The following L2HGDH variants were observed in gnomAD, a reference collection of about 807,000 sequenced individuals.
L2HGDH encodes the protein L-2-hydroxyglutarate dehydrogenase.
A neutral mutation model predicts 51.5 loss-of-function variants in L2HGDH; 34 were observed. That is an observed-to-expected ratio of 0.66 (90% CI 0.50 to 0.88). The LOEUF (loss-of-function observed/expected upper bound fraction) is 0.88, where lower values mean the gene tolerates loss of function less well. Ranked by LOEUF, L2HGDH falls within the 40% of genes least tolerant of loss-of-function variation. The pLI is 0.00. For synonymous variants in L2HGDH, 198 were observed against 197.9 expected (o/e 1.00, Z -0.01); for missense variants, 558 against 571.9 (o/e 0.98, Z 0.25).
intron 9 of L2HGDH, among the ~76,000 whole-genome samples, chr14:50,257,881 C>T (rs1888767285): frequency 6.6e-6 from 1 of 150,696 alleles, no homozygotes; most frequent in Non-Finnish European, 1.5e-5. Flanking sequence ...CTTATTTTAT[C>T]TGCTGACTCT....
rs1426651193 is a variant in L2HGDH at position 50,265,367 on chromosome 14, T to C, written c.1187A>G (p.Asp396Gly). ...QKFIPEITIS[D>G]ILRGPAGVRA... ...TATCCCTTTTCCTTACCTAAGTATA[T>C]CACTGATAGTAATTTCAGGGATGAA... Residue 396 changes from aspartate to glycine, a missense_variant, in exon 9 of 10, where the codon GAT becomes GGT. Asp to Gly is a moderately conservative substitution (Grantham distance 94). This residue lies in a region of L2HGDH where 321 missense variants were observed against 311.8 expected (regional missense o/e 1.03). Transcript: ENST00000267436. 6.2e-7 allele frequency: 1 copy of C among 1,611,064 alleles called. No homozygotes were observed. Among genetic ancestry groups the C allele is most frequent in the African/African-American group, 1.3e-5 (1 of 75,028 alleles).
chr14:50,275,583 C>G (rs1034813449), intron 6 of L2HGDH, among the ~76,000 whole-genome samples: 8 of 152,178 alleles, frequency 5.3e-5, no homozygotes, highest in Non-Finnish European at 1.2e-4. Context: ...GGCTCAGGCT[C>G]ATGGAATTCA....
At position 50,279,873 on chromosome 14, in the gene L2HGDH, C is replaced by A. The variant is rs556983591; in HGVS notation, c.704-1319G>T. Reference sequence around the variant, plus strand: ...GTCAGGAGTTTGAGACCAGCCTGACCAACATGATGAAATCCCATCTCTACC... The same window carrying A: ...GTCAGGAGTTTGAGACCAGCCTGACAAACATGATGAAATCCCATCTCTACC... On this transcript the variant is annotated intron_variant, in intron 5 of 9. Transcript: ENST00000267436. Among the ~76,000 whole-genome samples the A allele has an allele frequency of 5.9e-5, 9 of 151,860 alleles. No homozygotes were observed. In the South Asian group the frequency reaches 1.9e-3, roughly 32 times the overall value.
At chr14:50,262,583 T>C (rs977897088) in intron 9 of L2HGDH, among the ~76,000 whole-genome samples, 1 of 152,040 alleles carries the variant, frequency 6.6e-6, no homozygotes, top group Admixed American at 6.6e-5. Context: ...TCTGTAGAAC[T>C]CTCAAGATCC....
intron 6 of L2HGDH, among the ~76,000 whole-genome samples, chr14:50,272,803 C>G (rs1889771676): frequency 6.6e-6 from 1 of 152,166 alleles, no homozygotes. Context: ...GGCCCCTACT[C>G]CTGCTAAATT....
chr14:50,297,437 A>C (rs1418413209), intron 3 of L2HGDH, among the ~76,000 whole-genome samples: 1 of 152,200 alleles, frequency 6.6e-6, no homozygotes, highest in Non-Finnish European at 1.5e-5. Flanking sequence ...TGGATTAAAA[A>C]AAATCAACAT....
chr14:50,268,679 T>C (rs1304934914), intron 7 of L2HGDH, among the ~76,000 whole-genome samples: 1 of 152,182 alleles, frequency 6.6e-6, no homozygotes, highest in African/African-American at 2.4e-5. Flanking sequence ...TTCATCTGGT[T>C]CGACCTAATA....
In L2HGDH at chr14:50,301,981, T is replaced by C. The variant is rs41299197; in HGVS notation, c.408+36A>G. The C allele has an allele frequency of 0.054, 86,945 of 1,607,618 alleles. 2,713 individuals are homozygous for C. Among genetic ancestry groups the C allele is most frequent in the Non-Finnish European group, 0.062 (72,921 of 1,174,134 alleles). On this transcript the variant is annotated intron_variant, in intron 3 of 9. Transcript: ENST00000267436. ...TTAAACATCACTAAGCAAATGCTAGTTGGAAATTAGTCAAGGCTCTAATAA... is the reference window on the plus strand; with the variant it reads ...TTAAACATCACTAAGCAAATGCTAGCTGGAAATTAGTCAAGGCTCTAATAA...
At chr14:50,308,115 G>T (rs1392373553) in intron 1 of L2HGDH, among the ~76,000 whole-genome samples, 5 of 152,242 alleles carry the variant, frequency 3.3e-5, no homozygotes, top group African/African-American at 1.2e-4. Flanking sequence ...GGCAGGCCGG[G>T]TGCGATGGCT....
chr14:50,306,281 C>G (rs1217132150), intron 1 of L2HGDH, among the ~76,000 whole-genome samples: 2 of 151,974 alleles, frequency 1.3e-5, no homozygotes, highest in East Asian at 3.8e-4. Flanking sequence ...AATCTCTTGA[C>G]CTCGTGATCC....
At chr14:50,301,427 T>C (rs2030399985) in intron 3 of L2HGDH, among the ~76,000 whole-genome samples, 2 of 152,190 alleles carry the variant, frequency 1.3e-5, no homozygotes, top group African/African-American at 4.8e-5. Context: ...AATCCATATG[T>C]CTATCAACTG....
At position 50,283,952 on chromosome 14, in the gene L2HGDH, C is replaced by T. The variant is rs1332579024; in HGVS notation, c.622G>A (p.Glu208Lys). The T allele has an allele frequency of 1.2e-6, 2 of 1,613,978 alleles. No individual in the cohort carries two copies. The highest frequency in any genetic ancestry group is 2.7e-5 in the African/African-American group (2 of 74,910). The change falls in exon 5 of 10, where the codon GAA (glutamate) becomes AAA (lysine). Residue 208 changes from glutamate (E) to lysine (K), a missense_variant. By Grantham distance (56) the Glu-to-Lys change is moderately conservative. This residue lies in a region of L2HGDH where 321 missense variants were observed against 311.8 expected (regional missense o/e 1.03). Transcript: ENST00000267436. ...VALSFAQDFQ[E>K]AGGSVLTNFE... ...TTGGTCAAGACAGAGCCACCTGCTT[C>T]TTGGAAATCCTGGGCAAATGACAAA...
Position 50,302,936 on chromosome 14 carries a change from A to G in L2HGDH, c.222T>C (p.Leu74=), listed in dbSNP as rs1842953836. The change falls in exon 2 of 10, where the codon CTT becomes CTC. Residue 74 remains leucine, a synonymous_variant. Transcript: ENST00000267436. ...TCTCCTTTTCCAGAACACCAATAGA[A>G]AGTGATGGATGTCGCAGGATGAGTG... ...ARALILRHPS[L]SIGVLEKEKD... The G allele has an allele frequency of 6.2e-7, 1 of 1,613,888 alleles. No individual in the cohort carries two copies. The highest frequency in any genetic ancestry group is 8.5e-7 in the Non-Finnish European group (1 of 1,179,792).
chr14:50,265,460 A>C lies in L2HGDH; in HGVS notation c.1094T>G (p.Phe365Cys). Residue 365 changes from phenylalanine to cysteine, a missense_variant, in exon 9 of 10, where the codon TTT becomes TGT. Physicochemically the swap from Phe to Cys is radical, Grantham distance 205 (BLOSUM62 -2). Transcript: ENST00000267436. ...ATACATTTCAGTAACTCCATAGGAA[A>C]AATTCTGGGATGCCAGTTTAATCAA... ...SGLIKLASQN[F>C]SYGVTEMYKA... 1 of 1,613,574 alleles carries C rather than the reference A, an allele frequency of 6.2e-7. No homozygotes were observed. The highest frequency in any genetic ancestry group is 8.5e-7 in the Non-Finnish European group (1 of 1,179,642).
chr14:50,288,759 T>A (rs950141487), intron 4 of L2HGDH, among the ~76,000 whole-genome samples: 1 of 152,188 alleles, frequency 6.6e-6, no homozygotes, highest in African/African-American at 2.4e-5. Flanking sequence ...GAAAGTAACT[T>A]TGAAACAACC....
Position 50,302,084 on chromosome 14 carries a change from A to G in L2HGDH, c.341T>C (p.Val114Ala), listed in dbSNP as rs1364709088. Reference protein sequence around the residue: ...KPESLKAKLCVQGAALLYEYC... With the variant: ...KPESLKAKLCAQGAALLYEYC... The stretch of plus-strand genomic sequence containing the variant: ...CTCATAGAGGAGGGCTGCACCTTGT[A>G]CACATAATTTGGCTTTCAGAGACTC... Residue 114 changes from valine to alanine, a missense_variant, in exon 3 of 10, where the codon GTA (valine) becomes GCA (alanine). Around this residue, in one of 3 missense-constraint regions of L2HGDH, gnomAD observed 194 missense variants for 187.2 expected, o/e 1.04. Transcript: ENST00000267436. 1.9e-6 allele frequency: 3 copies of G among 1,614,026 alleles called. No individual in the cohort carries two copies. The highest frequency in any genetic ancestry group is 1.3e-5 in the African/African-American group (1 of 74,916).
chr14:50,298,951 C>G (rs2030245857), intron 3 of L2HGDH, among the ~76,000 whole-genome samples: 1 of 151,904 alleles, frequency 6.6e-6, no homozygotes, highest in Non-Finnish European at 1.5e-5. Flanking sequence ...ACACCAAATT[C>G]AGAATTAGTA....
chr14:50,275,290 C>T (rs1190907467), intron 6 of L2HGDH, among the ~76,000 whole-genome samples: 1 of 152,200 alleles, frequency 6.6e-6, no homozygotes, highest in African/African-American at 2.4e-5. Flanking sequence ...CAAGGCTGAT[C>T]TGTCTACAGC....
chr14:50,300,453 C>T (rs1480005988), intron 3 of L2HGDH, among the ~76,000 whole-genome samples: 4 of 152,054 alleles, frequency 2.6e-5, no homozygotes, highest in Non-Finnish European at 5.9e-5. Context: ...TGCCACCACA[C>T]CCGGCTAATT....
Sources: allele counts gnomAD v4.1 joint callset (sites outside exome capture counted in the v4.1 genomes callset), GRCh38; gene constraint gnomAD v4.1.1; regional missense constraint gnomAD v4.1.1; transcripts MANE v1.5; gene names NCBI Gene and HGNC (gene_info 2026-07-23, HGNC 2026-07-21).